SFTA2: variants seen among roughly 807,000 people sequenced by gnomAD.
SFTA2 encodes the protein surfactant associated 2.
Under a neutral mutation model 6.0 loss-of-function variants are expected in SFTA2, and 3 were observed. The observed-to-expected ratio is 0.50, with a 90% CI of 0.23 to 1.28. The LOEUF (loss-of-function observed/expected upper bound fraction) is 1.28, where lower values mean the gene tolerates loss of function less well. SFTA2 is among the 50% of genes most tolerant of loss of function. The pLI, the probability that SFTA2 is intolerant of heterozygous loss-of-function variation, is 0.19. For missense variants in SFTA2, 87 were observed against 88.5 expected (o/e 0.98, Z 0.07); for synonymous variants, 40 against 39.3 (o/e 1.02, Z -0.07).
chr6:30,932,108 C>A lies in SFTA2; in HGVS notation c.-12G>T. 6.2e-7 allele frequency: 1 copy of A among 1,611,374 alleles called. No homozygotes were observed. The highest frequency in any genetic ancestry group is 1.1e-5 in the South Asian group (1 of 90,598). On this transcript the variant is annotated 5_prime_UTR_variant, in exon 1 of 3. Transcript: ENST00000359086. This position sits in a 1 kb window ranked among gnomAD's most constrained non-coding sequence, Gnocchi z 6.5. ...AGCCCAGACCCCATAGTGGCCACTG[C>A]GCTCCTGGGATGGAGGAGACACTGA...
In SFTA2 at chr6:30,931,482, T is replaced by C; in HGVS notation, c.*6A>G. 1 of 1,564,870 alleles carries C rather than the reference T, an allele frequency of 6.4e-7. No individual in the cohort carries two copies. The highest frequency in any genetic ancestry group is 8.7e-7 in the Non-Finnish European group (1 of 1,152,846). On this transcript the variant is annotated 3_prime_UTR_variant, in exon 3 of 3. Transcript: ENST00000359086. ...GGGCCAAGAAGGACACAGGCTTCAATGGCTGTCATGTGTTGCAGACAACAT... is the reference window on the plus strand; with the variant it reads ...GGGCCAAGAAGGACACAGGCTTCAACGGCTGTCATGTGTTGCAGACAACAT...
chr6:30,931,654 C>T, intron 2 of SFTA2, 53 bp downstream of exon 2: 3 of 1,610,778 alleles, frequency 1.9e-6, no homozygotes, highest in Non-Finnish European at 2.5e-6. Flanking sequence ...CCAGCAGAGG[C>T]CCAAACTGAC....
intron 1 of SFTA2, 45 bp from the exon 2 acceptor site, chr6:30,931,840 A>T: frequency 6.2e-7 from 1 of 1,603,208 alleles, no homozygotes; most frequent in Non-Finnish European, 8.5e-7. Flanking sequence ...GTCAGGGCTG[A>T]TTCCTCCGGA....
In SFTA2 at chr6:30,931,518, T is replaced by C; in HGVS notation, c.207A>G (p.Arg69=). The C allele has an allele frequency of 6.2e-7, 1 of 1,605,962 alleles. No individual in the cohort carries two copies. Among genetic ancestry groups the C allele is most frequent in the Non-Finnish European group, 8.5e-7 (1 of 1,176,340 alleles). The change falls in exon 3 of 3, where the codon AGA becomes AGG. Residue 69 remains arginine, a synonymous_variant. Coordinates refer to ENST00000359086, the MANE Select transcript of SFTA2 (RefSeq NM_205854.3). ...TGTTGCAGACAACATGGTGTTGAGA[T>C]CTTGCATGGTGGAGGGTGACGCTGG... ...SGTSVTLHHA[R]SQHHVVCNT
At position 30,931,848 on chromosome 6, in the gene SFTA2, G is replaced by A. The variant is rs555852977; in HGVS notation, c.62-53C>T. ...CCCAGCAGTCAGGGCTGATTCCTCC[G>A]GAGACACAGAACCTTCCTGCTCACG... On this transcript the variant is annotated intron_variant, in intron 1 of 2. Transcript: ENST00000359086. 2.5e-5 allele frequency: 40 copies of A among 1,597,682 alleles called. No individual in the cohort carries two copies. The African/African-American group carries it at 4.0e-4, about 16-fold the overall frequency.
intron 1 of SFTA2, 84 bp downstream of exon 1, chr6:30,931,952 C>A (rs1795160465): frequency 1.3e-6 from 2 of 1,562,230 alleles, no homozygotes; most frequent in Non-Finnish European, 1.7e-6. Flanking sequence ...GTCTCTGTCA[C>A]TCTCAGGGAC....
In SFTA2 at chr6:30,931,503, A is replaced by T. The variant is rs772089792; in HGVS notation, c.222T>A (p.Val74=). Reference sequence around the variant, plus strand: ...TCAATGGCTGTCATGTGTTGCAGACAACATGGTGTTGAGATCTTGCATGGT... The same window carrying T: ...TCAATGGCTGTCATGTGTTGCAGACTACATGGTGTTGAGATCTTGCATGGT... ...TLHHARSQHH[V]VCNT The change falls in exon 3 of 3, where the codon GTT becomes GTA. Residue 74 remains valine (V), a synonymous_variant. Coordinates refer to ENST00000359086, the MANE Select transcript of SFTA2 (RefSeq NM_205854.3). The T allele has an allele frequency of 8.1e-6, 13 of 1,596,186 alleles. No individual in the cohort carries two copies. In the African/African-American group the frequency reaches 1.2e-4, roughly 15 times the overall value.
In SFTA2 at chr6:30,931,527, G is replaced by A. The variant is rs759204667; in HGVS notation, c.198C>T (p.His66=). 8.0e-5 allele frequency: 129 copies of A among 1,608,840 alleles called. No homozygotes were observed. Among genetic ancestry groups the A allele is most frequent in the Non-Finnish European group, 1.0e-4 (118 of 1,177,658 alleles). ...HLPSGTSVTL[H]HARSQHHVVC... ...CAACATGGTGTTGAGATCTTGCATG[G>A]TGGAGGGTGACGCTGGTCCCTGAAG... is the stretch of plus-strand genomic sequence containing the variant. Residue 66 remains histidine, a synonymous_variant, in exon 3 of 3, where the codon CAC becomes CAT. Transcript: ENST00000359086.
At chr6:30,931,944 C>A in intron 1 of SFTA2, 92 bp downstream of exon 1, 1 of 1,553,300 alleles carries the variant, frequency 6.4e-7, no homozygotes, top group Non-Finnish European at 8.8e-7. Flanking sequence ...ACTGGGGTGT[C>A]TCTGTCACTC....
chr6:30,931,622 C>T, intron 2 of SFTA2, 48 bp from the exon 3 acceptor site: 2 of 1,605,768 alleles, frequency 1.2e-6, no homozygotes, highest in East Asian at 2.2e-5. Flanking sequence ...CTCTCCATTC[C>T]CACCACGGAG....
Position 30,931,422 on chromosome 6 carries a change from G to T in SFTA2, c.*66C>A. On this transcript the variant is annotated 3_prime_UTR_variant, in exon 3 of 3. Transcript: ENST00000359086. ...TGGGGGCCTGCTGAAAGACAGGGTC[G>T]GGGCCTGCCTCCTGCATCCCCGGCC... The T allele has an allele frequency of 6.9e-7, 1 of 1,459,688 alleles. No individual in the cohort carries two copies. The allele number at this position is 1,459,688 out of a possible 1,614,324, so 90.4% of individuals were successfully genotyped here.
Position 30,931,484 on chromosome 6 carries a change from G to A in SFTA2, c.*4C>T. ...GCCAAGAAGGACACAGGCTTCAATG[G>A]CTGTCATGTGTTGCAGACAACATGG... On this transcript the variant is annotated 3_prime_UTR_variant, in exon 3 of 3. Coordinates refer to ENST00000359086, the MANE Select transcript of SFTA2 (RefSeq NM_205854.3). 1 of 1,566,950 alleles carries A rather than the reference G, an allele frequency of 6.4e-7. No individual in the cohort carries two copies. Among genetic ancestry groups the A allele is most frequent in the South Asian group, 1.2e-5 (1 of 84,328 alleles).
intron 1 of SFTA2, 82 bp from the exon 2 acceptor site, chr6:30,931,877 C>T: frequency 6.4e-7 from 1 of 1,560,524 alleles, no homozygotes; most frequent in Non-Finnish European, 8.8e-7. Context: ...GCTCACGCTC[C>T]CCGGCACAGT....
Position 30,931,397 on chromosome 6 carries a change from T to A in SFTA2, c.*91A>T. The A allele has an allele frequency of 1.6e-6, 2 of 1,248,900 alleles. No homozygotes were observed. The highest frequency in any genetic ancestry group is 2.2e-6 in the Non-Finnish European group (2 of 907,762). 77.4% of individuals were successfully genotyped at this position (1,248,900 alleles called of 1,614,324 possible). ...TTTTATTTATTGCCGCTCAGGAGGG[T>A]GGGGGCCTGCTGAAAGACAGGGTCG... On this transcript the variant is annotated 3_prime_UTR_variant, in exon 3 of 3. Coordinates refer to ENST00000359086, the MANE Select transcript of SFTA2 (RefSeq NM_205854.3).
intron 1 of SFTA2, 53 bp from the exon 2 acceptor site, chr6:30,931,848 G>T: frequency 8.1e-6 from 13 of 1,597,684 alleles, no homozygotes; most frequent in Non-Finnish European, 1.1e-5. Flanking sequence ...TGATTCCTCC[G>T]GAGACACAGA....
In SFTA2 at chr6:30,931,761, C is replaced by T; in HGVS notation, c.96G>A (p.Glu32=). 6.2e-7 allele frequency: 1 copy of T among 1,613,134 alleles called. No individual in the cohort carries two copies. The highest frequency in any genetic ancestry group is 8.5e-7 in the Non-Finnish European group (1 of 1,180,032). The part of the protein sequence containing the change: ...PGMTLQLKLK[E]SFLTNSSYES... ...CATAGGAGGAATTTGTCAGAAAAGA[C>T]TCCTTCAGCTTCAGTTGCAAAGTCA... The change falls in exon 2 of 3, where the codon GAG becomes GAA. Residue 32 remains glutamate (E), a synonymous_variant. Transcript: ENST00000359086.
At position 30,931,386 on chromosome 6, in the gene SFTA2, G is replaced by T. The variant is rs2532925; in HGVS notation, c.*102C>A. On this transcript the variant is annotated 3_prime_UTR_variant, in exon 3 of 3. Coordinates refer to ENST00000359086, the MANE Select transcript of SFTA2 (RefSeq NM_205854.3). ...AGCATACCGAATTTTATTTATTGCCGCTCAGGAGGGTGGGGGCCTGCTGAA... is the reference window on the plus strand; with the variant it reads ...AGCATACCGAATTTTATTTATTGCCTCTCAGGAGGGTGGGGGCCTGCTGAA... The T allele has an allele frequency of 8.8e-7, 1 of 1,130,632 alleles. No individual in the cohort carries two copies. The highest frequency in any genetic ancestry group is 1.2e-6 in the Non-Finnish European group (1 of 807,136). The allele number at this position is 1,130,632 out of a possible 1,614,324, so 70.0% of individuals were successfully genotyped here. A position where few individuals can be genotyped will look rare whatever the true frequency, so the allele number is the denominator to read the frequency against.
chr6:30,931,750 G>A lies in SFTA2; in HGVS notation c.107C>T (p.Thr36Ile). ...GAAGCTGGACTCATAGGAGGAATTT[G>A]TCAGAAAAGACTCCTTCAGCTTCAG... is the stretch of plus-strand genomic sequence containing the variant. ...LQLKLKESFLTNSSYESSFLE... is the reference protein window; with the variant it reads ...LQLKLKESFLINSSYESSFLE... The change falls in exon 2 of 3, where the codon ACA becomes ATA. Residue 36 changes from threonine to isoleucine, a missense_variant. Coordinates refer to ENST00000359086, the MANE Select transcript of SFTA2 (RefSeq NM_205854.3). The A allele has an allele frequency of 6.2e-7, 1 of 1,613,104 alleles. No individual in the cohort carries two copies. The highest frequency in any genetic ancestry group is 8.5e-7 in the Non-Finnish European group (1 of 1,180,034).
intron 2 of SFTA2, 64 bp downstream of exon 2, chr6:30,931,643 C>T: frequency 6.2e-7 from 1 of 1,610,218 alleles, no homozygotes; most frequent in Middle Eastern, 1.7e-4. Context: ...ACATCCAGAC[C>T]CCAGCAGAGG....
Sources: gnomAD v4.1 joint callset for allele counts on GRCh38, gnomAD v4.1.1 for gene constraint, Gnocchi (gnomAD v3.1) non-coding constraint, MANE v1.5 for transcripts, NCBI Gene and HGNC (gene_info 2026-07-23, HGNC 2026-07-21) for gene names.